ANO3: variants seen among roughly 807,000 people sequenced by gnomAD.
ANO3 encodes anoctamin-3.
A neutral mutation model predicts 144.8 loss-of-function variants in ANO3; 99 were observed. That is an observed-to-expected ratio of 0.68 (90% confidence interval 0.58 to 0.81). The LOEUF is 0.81. Among genes scored for constraint, ANO3 ranks in the 30% least tolerant of loss-of-function variants. The pLI is 0.00. For synonymous variants in ANO3, 414 were observed against 392.6 expected (o/e 1.05, Z -0.64); for missense variants, 905 against 1,202.2 (o/e 0.75, Z 3.66).
intron 8 of ANO3, among the ~76,000 whole-genome samples, chr11:26,533,390 A>G (rs1849422558): frequency 6.6e-6 from 1 of 152,212 alleles, no homozygotes; most frequent in Non-Finnish European, 1.5e-5. Context: ...AAAAACTGCA[A>G]TTGCATTTGC....
intron 1 of ANO3, among the ~76,000 whole-genome samples, chr11:26,277,948 G>C (rs1245734349): frequency 6.6e-6 from 1 of 151,968 alleles, no homozygotes; most frequent in Non-Finnish European, 1.5e-5. Flanking sequence ...AGCATGAATT[G>C]GTGGACAAAC....
intron 1 of ANO3, among the ~76,000 whole-genome samples, chr11:26,248,815 CA>C (rs1852858951): frequency 6.6e-6 from 1 of 152,166 alleles, no homozygotes; most frequent in South Asian, 2.1e-4. Context: ...GAACCATACG[CA>C]CACAGCAGGA....
intron 1 of ANO3, among the ~76,000 whole-genome samples, chr11:26,430,849 T>G (rs1331113364): frequency 6.6e-6 from 1 of 152,222 alleles, no homozygotes; most frequent in Non-Finnish European, 1.5e-5. Flanking sequence ...CCAGTGGCAT[T>G]ACAATGTTTA....
At chr11:26,627,416 A>G (rs1035840254) in intron 18 of ANO3, among the ~76,000 whole-genome samples, 1 of 151,624 alleles carries the variant, frequency 6.6e-6, no homozygotes, top group South Asian at 2.1e-4. Flanking sequence ...TTCCTATTTC[A>G]CCATTGTTGT....
intron 1 of ANO3, among the ~76,000 whole-genome samples, chr11:26,244,974 GGTGTGTGTGTGT>G (rs61543573): frequency 2.7e-4 from 33 of 121,686 alleles, no homozygotes; most frequent in African/African-American, 6.3e-4. Flanking sequence ...CTGGTCTCCT[GGTGTGTGTGTGT>G]GTGTGTGTGT....
At chr11:26,659,755 A>G (rs1853820006) in intron 26 of ANO3, among the ~76,000 whole-genome samples, 1 of 152,186 alleles carries the variant, frequency 6.6e-6, no homozygotes, top group South Asian at 2.1e-4. Context: ...ATTATGTAAT[A>G]AAGGTAAAAA....
intron 11 of ANO3, among the ~76,000 whole-genome samples, chr11:26,545,957 G>A (rs895060685): frequency 4.0e-5 from 6 of 151,688 alleles, no homozygotes; most frequent in South Asian, 2.1e-4. Context: ...ACTATACTTC[G>A]CCAAATAATA....
At chr11:26,433,897 A>G (rs1243541281) in intron 1 of ANO3, among the ~76,000 whole-genome samples, 2 of 152,194 alleles carry the variant, frequency 1.3e-5, no homozygotes, top group South Asian at 4.1e-4. Flanking sequence ...TGGTATCAGA[A>G]TGATGCTGAT....
intron 14 of ANO3, among the ~76,000 whole-genome samples, chr11:26,563,976 T>C (rs930765299): frequency 6.6e-6 from 1 of 151,850 alleles, no homozygotes; most frequent in East Asian, 1.9e-4. Flanking sequence ...TTTCTTCTCT[T>C]TTTTTGAAGG....
At position 26,439,811 on chromosome 11, in the gene ANO3, T is replaced by C. The variant is rs1046793001; in HGVS notation, c.47-2107T>C. 5.9e-5 allele frequency among the ~76,000 whole-genome samples: 9 copies of C among 152,320 alleles called. No individual in the cohort carries two copies. In the East Asian group the frequency reaches 7.7e-4, roughly 13 times the overall value. On this transcript the variant is annotated intron_variant, in intron 1 of 26. Transcript: ENST00000256737. The stretch of plus-strand genomic sequence containing the variant: ...ACATAGACAAAGACCAATAAACTGA[T>C]AACATTCATTTCATTTAGAGAAGAG...
intron 1 of ANO3, among the ~76,000 whole-genome samples, chr11:26,371,431 G>A (rs1334182158): frequency 6.6e-6 from 1 of 152,212 alleles, no homozygotes; most frequent in African/African-American, 2.4e-5. Context: ...GAAAAGAAAT[G>A]TAGGCTTGAA....
chr11:26,378,406 C>A (rs948790836), intron 1 of ANO3, among the ~76,000 whole-genome samples: 1 of 104,072 alleles, frequency 9.6e-6, no homozygotes, highest in Non-Finnish European at 1.9e-5. Context: ...TATTATCTAT[C>A]TATATATATT....
chr11:26,648,174 T>C (rs148159836), intron 24 of ANO3, among the ~76,000 whole-genome samples: 9 of 152,220 alleles, frequency 5.9e-5, no homozygotes, highest in Admixed American at 3.3e-4. Flanking sequence ...GTAAGAAGAA[T>C]GCAATCTTCT....
At chr11:26,637,277 C>T (rs573059707) in intron 20 of ANO3, among the ~76,000 whole-genome samples, 10 of 152,234 alleles carry the variant, frequency 6.6e-5, no homozygotes, top group East Asian at 3.9e-4. Context: ...TTGTGGGTAG[C>T]GAACCAATCA....
chr11:26,492,174 C>A (rs1860735112), intron 4 of ANO3, among the ~76,000 whole-genome samples: 1 of 152,294 alleles, frequency 6.6e-6, no homozygotes, highest in Non-Finnish European at 1.5e-5. Flanking sequence ...CTCTTTGAAG[C>A]ATTAGGATGA....
rs750220809 is a variant in ANO3 at position 26,332,285 on chromosome 11, C to A, written c.10C>A (p.His4Asn). 2 of 1,613,948 alleles carry A rather than the reference C, an allele frequency of 1.2e-6. No homozygotes were observed. The highest frequency in any genetic ancestry group is 4.5e-5 in the East Asian group (2 of 44,846). Residue 4 changes from histidine (H) to asparagine (N), a missense_variant, in exon 1 of 27, where the codon CAT becomes AAT. Transcript: ENST00000256737. MVH[H>N]SGSIQSFKQQ... ...GACGCGCAGAGTGAAAATGGTCCAC[C>A]ATTCAGGCTCCATTCAGTCCTTTAA...
chr11:26,193,636 G>C (rs982209090), intron 1 of ANO3, among the ~76,000 whole-genome samples: 1 of 152,084 alleles, frequency 6.6e-6, no homozygotes, highest in Non-Finnish European at 1.5e-5. Flanking sequence ...CCTTCAGTAT[G>C]AGCAGAAAGT....
At chr11:26,297,594 A>G (rs1854122786) in intron 1 of ANO3, among the ~76,000 whole-genome samples, 1 of 152,120 alleles carries the variant, frequency 6.6e-6, no homozygotes, top group Admixed American at 6.5e-5. Flanking sequence ...TCCCTTCAAA[A>G]TAAAAGACTG....
intron 1 of ANO3, among the ~76,000 whole-genome samples, chr11:26,424,674 A>G (rs1008808842): frequency 6.6e-6 from 1 of 152,076 alleles, no homozygotes; most frequent in Non-Finnish European, 1.5e-5. Flanking sequence ...TTAATATTCT[A>G]CATCAGTATT....
Sources: allele counts gnomAD v4.1 joint callset (sites outside exome capture counted in the v4.1 genomes callset), GRCh38; gene constraint gnomAD v4.1.1; transcripts MANE v1.5; gene names NCBI Gene and HGNC (gene_info 2026-07-23, HGNC 2026-07-21).